The following DNAJC13 variants were observed in gnomAD, a reference collection of about 807,000 sequenced individuals.
DNAJC13 encodes the protein DnaJ heat shock protein family (Hsp40) member C13, also known as dnaJ homolog subfamily C member 13.
DNAJC13 carries 75 observed loss-of-function variants against 290.5 expected under a neutral mutation model. That is an observed-to-expected ratio of 0.26 (90% CI 0.21 to 0.31). The LOEUF is 0.31. Ranked by LOEUF, DNAJC13 falls within the 10% of genes least tolerant of loss-of-function variation. DNAJC13 has a pLI of 1.00. For missense variants in DNAJC13, 2,260 were observed against 2,674.5 expected (o/e 0.85, Z 3.42); for synonymous variants, 862 against 892.0 (o/e 0.97, Z 0.60).
Position 132,434,631 on chromosome 3 carries a change from G to C in DNAJC13, c.68+13G>C, listed in dbSNP as rs780144226. On this transcript the variant is annotated intron_variant, in intron 2 of 55. Transcript: ENST00000260818. ...CATGGAGGGGGAAGTAAGTATTCTT[G>C]TTGGGTTTTTTTTTCTGTGCTTCTA... The C allele has an allele frequency of 1.3e-5, 20 of 1,588,366 alleles. No individual in the cohort carries two copies. The highest frequency in any genetic ancestry group is 1.6e-5 in the Non-Finnish European group (19 of 1,170,742).
chr3:132,465,534 A>C (rs541176396), intron 17 of DNAJC13, among the ~76,000 whole-genome samples: 100 of 152,290 alleles, frequency 6.6e-4, no homozygotes, highest in African/African-American at 2.4e-3. Context: ...CAAACTCTAG[A>C]AGTGAAAATA....
At chr3:132,470,697 G>A (rs1229531007) in intron 20 of DNAJC13, among the ~76,000 whole-genome samples, 200 of 116,130 alleles carry the variant, frequency 1.7e-3, no homozygotes, top group African/African-American at 6.1e-3. Context: ...CGGACGGGGC[G>A]GCTGGCCGGG....
intron 22 of DNAJC13, among the ~76,000 whole-genome samples, chr3:132,476,796 G>A (rs762721896): frequency 1.3e-5 from 2 of 152,156 alleles, no homozygotes; most frequent in Admixed American, 6.5e-5. Context: ...CTCATAACCT[G>A]TTTTCTCATC....
intron 1 of DNAJC13, among the ~76,000 whole-genome samples, chr3:132,423,880 G>A (rs1939025453): frequency 6.6e-6 from 1 of 152,156 alleles, no homozygotes; most frequent in South Asian, 2.1e-4. Context: ...AGGAAAAACA[G>A]CAACAAGTTA....
intron 55 of DNAJC13, among the ~76,000 whole-genome samples, chr3:132,535,099 T>C (rs1349338350): frequency 2.0e-5 from 3 of 152,210 alleles, no homozygotes; most frequent in South Asian, 2.1e-4. Context: ...TCACCAACCC[T>C]TTCTTCTAAC....
rs576412719 is a variant in DNAJC13 at position 132,534,485 on chromosome 3, G to A, written c.6625+3388G>A. On this transcript the variant is annotated intron_variant, in intron 55 of 55. Transcript: ENST00000260818. ...AGCGTGGGCAACACGGCAAGACCCC[G>A]TCTCTATAAAAAAATACAAAAATTT... Among the ~76,000 whole-genome samples, 39 of 152,060 alleles carry A rather than the reference G, an allele frequency of 2.6e-4. No homozygotes were observed. The South Asian group carries it at 3.9e-3, about 15-fold the overall frequency.
intron 1 of DNAJC13, among the ~76,000 whole-genome samples, chr3:132,431,507 C>T (rs1334385209): frequency 3.3e-5 from 5 of 152,176 alleles, no homozygotes; most frequent in African/African-American, 1.2e-4. Context: ...TATAAATATC[C>T]AGGGGGTGAG....
chr3:132,483,927 G>A (rs1222451673), intron 28 of DNAJC13, among the ~76,000 whole-genome samples: 1 of 152,342 alleles, frequency 6.6e-6, no homozygotes, highest in East Asian at 1.9e-4. Flanking sequence ...AGCTATTTCT[G>A]CTATAGAAGG....
chr3:132,532,229 GT>G (rs1936437756), intron 55 of DNAJC13, among the ~76,000 whole-genome samples: 1 of 152,136 alleles, frequency 6.6e-6, no homozygotes, highest in South Asian at 2.1e-4. Context: ...CATTGTAATT[GT>G]TTTAATCTTG....
At chr3:132,472,336 G>A (rs547408787) in intron 20 of DNAJC13, among the ~76,000 whole-genome samples, 1 of 152,330 alleles carries the variant, frequency 6.6e-6, no homozygotes, top group African/African-American at 2.4e-5. Flanking sequence ...CCTTAAGTAT[G>A]TGCCTATCTC....
intron 20 of DNAJC13, among the ~76,000 whole-genome samples, chr3:132,468,451 G>A (rs1435941773): frequency 6.6e-6 from 1 of 152,066 alleles, no homozygotes; most frequent in Non-Finnish European, 1.5e-5. Context: ...CAATTCTTTA[G>A]AGCTCCAGAA....
intron 1 of DNAJC13, among the ~76,000 whole-genome samples, chr3:132,418,283 C>A (rs1387451390): frequency 6.6e-6 from 1 of 152,230 alleles, no homozygotes; most frequent in Non-Finnish European, 1.5e-5. Context: ...CATTTTCTCC[C>A]CTAAGGCTTT....
At position 132,478,124 on chromosome 3, in the gene DNAJC13, T is replaced by C. The variant is rs745901228; in HGVS notation, c.2693T>C (p.Ile898Thr). Residue 898 changes from isoleucine to threonine, a missense_variant, in exon 24 of 56, where the codon ATT (isoleucine) becomes ACT (threonine). Physicochemically the swap from Ile to Thr is moderately conservative, Grantham distance 89. Around this residue, in one of 3 missense-constraint regions of DNAJC13, gnomAD observed 1,494 missense variants for 1,693.7 expected, o/e 0.88. Coordinates refer to ENST00000260818, the MANE Select transcript of DNAJC13 (RefSeq NM_015268.4). ...CCTTTTACAGATACCAGATATATCA[T>C]TGGAATGTTAGAGAGGGTAAGGATA... is the stretch of plus-strand genomic sequence containing the variant. ...IGPFTDTRYI[I>T]GMLERCTDKL... The C allele has an allele frequency of 1.8e-5, 29 of 1,610,532 alleles. No individual in the cohort carries two copies. The highest frequency in any genetic ancestry group is 2.2e-5 in the Non-Finnish European group (26 of 1,178,934).
At chr3:132,452,542 T>C (rs1933449234) in intron 6 of DNAJC13, among the ~76,000 whole-genome samples, 1 of 152,204 alleles carries the variant, frequency 6.6e-6, no homozygotes, top group Admixed American at 6.5e-5. Flanking sequence ...TTCTGGCCTC[T>C]AGACACCAAA....
At chr3:132,475,552 G>A (rs189321760) in intron 22 of DNAJC13, among the ~76,000 whole-genome samples, 6 of 152,160 alleles carry the variant, frequency 3.9e-5, no homozygotes, top group East Asian at 1.9e-4. Context: ...AATTTTATAC[G>A]TGTGGGTGTA....
intron 43 of DNAJC13, 42 bp downstream of exon 43, chr3:132,507,395 T>C: frequency 8.7e-7 from 1 of 1,153,410 alleles, no homozygotes; most frequent in Non-Finnish European, 1.3e-6. Flanking sequence ...CCTTTGATCA[T>C]TTGTTACTGA....
At position 132,463,775 on chromosome 3, in the gene DNAJC13, C is replaced by T; in HGVS notation, c.1850C>T (p.Ala617Val). 6.2e-7 allele frequency: 1 copy of T among 1,612,766 alleles called. No individual in the cohort carries two copies. Among genetic ancestry groups the T allele is most frequent in the South Asian group, 1.1e-5 (1 of 90,982 alleles). ...GCCTTACCTCGACACTTGCATACTG[C>T]GATGTTTACAATAAGCTCAGATCAA... ...EGALPRHLHTAMFTISSDQRM... is the reference protein window; with the variant it reads ...EGALPRHLHTVMFTISSDQRM... The change falls in exon 17 of 56, where the codon GCG (alanine) becomes GTG (valine). Residue 617 changes from alanine to valine, a missense_variant. This residue lies in a region of DNAJC13 where 762 missense variants were observed against 964.1 expected (regional missense o/e 0.79). Transcript: ENST00000260818.
intron 22 of DNAJC13, among the ~76,000 whole-genome samples, chr3:132,475,438 A>AT (rs200888538): frequency 2.3e-4 from 34 of 146,808 alleles, no homozygotes; most frequent in Non-Finnish European, 2.6e-4. Context: ...AACTTGTTTG[A>AT]TTTTTTTTTG....
intron 55 of DNAJC13, among the ~76,000 whole-genome samples, chr3:132,532,177 T>C (rs1022789035): frequency 6.6e-6 from 1 of 152,270 alleles, no homozygotes; most frequent in Admixed American, 6.5e-5. Flanking sequence ...TAACCAAAGA[T>C]GATAAACTAA....
Sources: gnomAD v4.1 joint callset for allele counts (sites outside exome capture counted in the v4.1 genomes callset) on GRCh38, gnomAD v4.1.1 for gene constraint, gnomAD v4.1.1 regional missense constraint, MANE v1.5 for transcripts, NCBI Gene and HGNC (gene_info 2026-07-23, HGNC 2026-07-21) for gene names.